The following MORN4 variants were observed in gnomAD, a reference collection of about 807,000 sequenced individuals.
MORN4 encodes the protein MORN repeat-containing protein 4.
MORN4 carries 8 observed loss-of-function variants against 16.4 expected under a neutral mutation model. The ratio of observed to expected loss-of-function variants is 0.49; its 90% CI spans 0.29 to 0.88. MORN4 has a LOEUF of 0.88. MORN4 is among the 40% of genes least tolerant of loss of function. MORN4 has a pLI of 0.09. For missense variants in MORN4, 159 were observed against 182.9 expected, an observed-to-expected ratio of 0.87 and a Z score of 0.75; for synonymous variants, 53 against 68.9, an observed-to-expected ratio of 0.77 and a Z score of 1.14.
At chr10:97,625,350 G>T (rs1297017276) in intron 1 of MORN4, among the ~76,000 whole-genome samples, 1 of 152,132 alleles carries the variant, frequency 6.6e-6, no homozygotes, top group African/African-American at 2.4e-5. Context: ...CTAAATCTCA[G>T]TCTCCTCATC....
At chr10:97,619,485 A>T in intron 2 of MORN4, 102 bp downstream of exon 2, 1 of 824,438 alleles carries the variant, frequency 1.2e-6, no homozygotes, top group Non-Finnish European at 2.2e-6. Context: ...TAAATCCTGG[A>T]GTTGAAAATG....
chr10:97,617,353 G>T, intron 2 of MORN4, 31 bp from the exon 3 acceptor site: 1 of 1,576,760 alleles, frequency 6.3e-7, no homozygotes, highest in African/African-American at 1.3e-5. Context: ...GTGTCAGGTT[G>T]GAAGGAGGCA....
intron 1 of MORN4, among the ~76,000 whole-genome samples, chr10:97,620,521 A>G (rs1229737927): frequency 6.7e-6 from 1 of 148,176 alleles, no homozygotes; most frequent in Non-Finnish European, 1.5e-5. Flanking sequence ...AAAAAAAAGA[A>G]AATATGGGGA....
rs533141658 is a variant in MORN4, at chr10:97,629,999, A to G, written c.-31+3348T>C. 3.6e-3 allele frequency among the ~76,000 whole-genome samples: 509 copies of G among 142,938 alleles called. 3 individuals are homozygous for G. Among genetic ancestry groups the G allele is most frequent in the Non-Finnish European group, 6.2e-3 (414 of 66,918 alleles). 93.8% of individuals were successfully genotyped at this position (142,938 alleles called of 152,430 possible). ...GAGTTCAGTGGCACGATCTCAGCTTACTGCAAGCTCTGCCTCCCAGGTTCT... is the reference window on the plus strand; with the variant it reads ...GAGTTCAGTGGCACGATCTCAGCTTGCTGCAAGCTCTGCCTCCCAGGTTCT... On this transcript the variant is annotated intron_variant, in intron 1 of 4. Coordinates refer to ENST00000307450, the MANE Select transcript of MORN4 (RefSeq NM_178832.4).
At chr10:97,626,675 C>T (rs183981684) in intron 1 of MORN4, among the ~76,000 whole-genome samples, 12 of 150,416 alleles carry the variant, frequency 8.0e-5, no homozygotes, top group South Asian at 2.1e-4. Flanking sequence ...AGGCTGGTCT[C>T]GAACTCCTGA....
At chr10:97,629,429 T>C (rs142111864) in intron 1 of MORN4, among the ~76,000 whole-genome samples, 19 of 152,272 alleles carry the variant, frequency 1.2e-4, no homozygotes, top group African/African-American at 4.6e-4. Context: ...TCATAAAAGG[T>C]GATGCAACTT....
intron 1 of MORN4, among the ~76,000 whole-genome samples, chr10:97,622,044 T>C (rs565891050): frequency 3.3e-4 from 50 of 152,256 alleles, no homozygotes; most frequent in African/African-American, 1.1e-3. Flanking sequence ...TGTAAATGAG[T>C]CCAATCTAGT....
chr10:97,632,916 G>A (rs1480898772), intron 1 of MORN4, among the ~76,000 whole-genome samples: 1 of 152,052 alleles, frequency 6.6e-6, no homozygotes, highest in Non-Finnish European at 1.5e-5. Flanking sequence ...CATTCCCCAG[G>A]CTTCCATATG....
chr10:97,622,480 G>A (rs2041307044), intron 1 of MORN4, among the ~76,000 whole-genome samples: 2 of 151,992 alleles, frequency 1.3e-5, no homozygotes, highest in South Asian at 4.1e-4. Context: ...GAGCTCAGGA[G>A]TTTGAGACCA....
At chr10:97,627,918 C>G (rs2135742170) in intron 1 of MORN4, among the ~76,000 whole-genome samples, 1 of 152,314 alleles carries the variant, frequency 6.6e-6, no homozygotes, top group East Asian at 1.9e-4. Context: ...ATCACCAGCC[C>G]AGCATCAGAG....
rs1430796636 is a variant in MORN4, at chr10:97,633,384, C to T, written c.-68G>A. 1 of 1,289,804 alleles carries T rather than the reference C, an allele frequency of 7.8e-7. No homozygotes were observed. The highest frequency in any genetic ancestry group is 1.0e-6 in the Non-Finnish European group (1 of 988,918). 79.9% of individuals were successfully genotyped at this position (1,289,804 alleles called of 1,614,324 possible). On this transcript the variant is annotated 5_prime_UTR_variant, in exon 1 of 5. Transcript: ENST00000307450. This position sits in a 1 kb window ranked among gnomAD's most constrained non-coding sequence, Gnocchi z 4.5. Reference sequence around the variant, plus strand: ...TTTCGGGATGACCGTCACGCCTGGACGCAGGGTTCCAGCGCCTCGGACTTT... The same window carrying T: ...TTTCGGGATGACCGTCACGCCTGGATGCAGGGTTCCAGCGCCTCGGACTTT...
intron 1 of MORN4, among the ~76,000 whole-genome samples, chr10:97,622,858 CATTTATTTATTTATTT>C (rs138978764): frequency 1.2e-4 from 17 of 138,500 alleles, no homozygotes; most frequent in Non-Finnish European, 2.5e-4. Context: ...CTTCATCTTT[CATTTATTTATTTATTT>C]ATTTATTTAT....
At chr10:97,620,841 G>A (rs2041284512) in intron 1 of MORN4, among the ~76,000 whole-genome samples, 1 of 151,996 alleles carries the variant, frequency 6.6e-6, no homozygotes. Flanking sequence ...ACAAAAAATA[G>A]GCCGGGCGTG....
intron 1 of MORN4, among the ~76,000 whole-genome samples, chr10:97,629,002 C>T (rs2041372406): frequency 1.3e-5 from 2 of 152,204 alleles, no homozygotes; most frequent in African/African-American, 4.8e-5. Context: ...ACAATTTGAT[C>T]TGGCCATTGA....
rs753963476 is a variant in MORN4 at position 97,633,497 on chromosome 10, C to T, written c.-181G>A. The T allele has an allele frequency of 5.4e-6, 7 of 1,289,720 alleles. No individual in the cohort carries two copies. The highest frequency in any genetic ancestry group is 6.1e-6 in the Non-Finnish European group (6 of 988,844). 79.9% of individuals were successfully genotyped at this position (1,289,720 alleles called of 1,614,324 possible). ...TTGACGCCGCCATCCTGGGCGACCG[C>T]ACTGGGTACAATTCCCGCTGCCCAT... On this transcript the variant is annotated 5_prime_UTR_variant, in exon 1 of 5. Transcript: ENST00000307450. This position sits in a 1 kb window ranked among gnomAD's most constrained non-coding sequence, Gnocchi z 4.5.
At chr10:97,633,893 C>G (rs1191602436), upstream of MORN4, among the ~76,000 whole-genome samples, 3 of 152,198 alleles carry the variant, frequency 2.0e-5, no homozygotes, top group Non-Finnish European at 2.9e-5. The surrounding 1 kb of genome is among the most constrained non-coding windows in gnomAD (Gnocchi z 4.5). Flanking sequence ...GGCAGGATAG[C>G]CTCCAATAAC....
chr10:97,623,282 T>G (rs576918997), intron 1 of MORN4, among the ~76,000 whole-genome samples: 1 of 152,294 alleles, frequency 6.6e-6, no homozygotes, highest in South Asian at 2.1e-4. Context: ...AAATCACTAT[T>G]GAAAAGTCCT....
At chr10:97,631,439 TTTC>T (rs571037414) in intron 1 of MORN4, among the ~76,000 whole-genome samples, 36 of 152,272 alleles carry the variant, frequency 2.4e-4, no homozygotes, top group South Asian at 1.0e-3. Flanking sequence ...GTATCTTCAT[TTTC>T]TTTTGTCCCA....
intron 1 of MORN4, among the ~76,000 whole-genome samples, chr10:97,621,077 C>T (rs544476211): frequency 6.4e-4 from 97 of 151,964 alleles, no homozygotes; most frequent in Admixed American, 1.2e-3. Context: ...GCTGAGATCA[C>T]ACCACTGCAC....
Sources: allele counts gnomAD v4.1 joint callset (sites outside exome capture counted in the v4.1 genomes callset), GRCh38; gene constraint gnomAD v4.1.1; non-coding constraint Gnocchi (gnomAD v3.1); transcripts MANE v1.5; gene names NCBI Gene and HGNC (gene_info 2026-07-23, HGNC 2026-07-21).